The following INVS variants were observed in gnomAD, a reference collection of about 807,000 sequenced individuals.
INVS encodes the protein inversin, also known as inversion of embryo turning homolog.
In INVS, 86 loss-of-function variants were observed where a neutral mutation model predicts 108.8. That is an observed-to-expected ratio of 0.79 (90% CI 0.66 to 0.95). The LOEUF (loss-of-function observed/expected upper bound fraction) is 0.95. Ranked by LOEUF, INVS falls within the 40% of genes least tolerant of loss-of-function variation. The pLI, the probability that INVS is intolerant of heterozygous loss-of-function variation, is 0.00. For synonymous variants in INVS, 455 were observed against 473.5 expected (o/e 0.96, Z 0.51); for missense variants, 1,169 against 1,297.4 (o/e 0.90, Z 1.52).
At chr9:100,173,237 G>A (rs1268950792) in intron 3 of INVS, among the ~76,000 whole-genome samples, 4 of 152,224 alleles carry the variant, frequency 2.6e-5, no homozygotes, top group Non-Finnish European at 5.9e-5. Flanking sequence ...AGGAATTGAA[G>A]AGTGACCAAG....
chr9:100,243,284 A>T (rs1243651097), intron 7 of INVS, among the ~76,000 whole-genome samples: 2 of 152,154 alleles, frequency 1.3e-5, no homozygotes, highest in Non-Finnish European at 1.5e-5. Context: ...ACCTTACACA[A>T]GTTTCTTAAT....
intron 5 of INVS, among the ~76,000 whole-genome samples, chr9:100,230,144 A>T (rs929393340): frequency 1.3e-5 from 2 of 152,192 alleles, no homozygotes; most frequent in African/African-American, 4.8e-5. Context: ...TGTTTTTATT[A>T]AACAGTGAAT....
intron 8 of INVS, among the ~76,000 whole-genome samples, chr9:100,247,721 A>G (rs909518187): frequency 2.0e-5 from 3 of 152,182 alleles, no homozygotes; most frequent in Non-Finnish European, 4.4e-5. Context: ...TCAAAAAAAA[A>G]TATTTTAAGA....
At position 100,297,018 on chromosome 9, in the gene INVS, A is replaced by T. The variant is rs996350769; in HGVS notation, c.2888A>T (p.Gln963Leu). 4.3e-6 allele frequency: 7 copies of T among 1,613,932 alleles called. No homozygotes were observed. The highest frequency in any genetic ancestry group is 5.9e-6 in the Non-Finnish European group (7 of 1,180,002). The change falls in exon 15 of 17, where the codon CAG becomes CTG. Residue 963 changes from glutamine to leucine, a missense_variant. Transcript: ENST00000262457. Reference sequence around the variant, plus strand: ...CAAGAGTCTACAGCATTGCTCCTCCAGGTTTGGAGGAAGGAACTGGAACTA... The same window carrying T: ...CAAGAGTCTACAGCATTGCTCCTCCTGGTTTGGAGGAAGGAACTGGAACTA... ...WRQESTALLL[Q>L]VWRKELELKF...
intron 3 of INVS, among the ~76,000 whole-genome samples, chr9:100,223,188 T>G (rs1161821985): frequency 1.3e-5 from 2 of 151,942 alleles, no homozygotes; most frequent in Non-Finnish European, 2.9e-5. Flanking sequence ...CTCCGCTTCC[T>G]GGGTTCAAGG....
chr9:100,127,745 T>A (rs1255599529), intron 3 of INVS, among the ~76,000 whole-genome samples: 1 of 152,186 alleles, frequency 6.6e-6, no homozygotes, highest in Non-Finnish European at 1.5e-5. Context: ...GTCTGTCAGG[T>A]TATTTTCAAA....
intron 4 of INVS, among the ~76,000 whole-genome samples, chr9:100,227,991 C>CTT (rs33912012): frequency 0.47 from 62,190 of 133,194 alleles, 15,333 homozygotes; most frequent in African/African-American, 0.52. Context: ...TTCTTTCTTT[C>CTT]TTTTTTTTTT....
intron 3 of INVS, among the ~76,000 whole-genome samples, chr9:100,202,614 A>G (rs558704997): frequency 6.6e-6 from 1 of 151,762 alleles, no homozygotes; most frequent in Non-Finnish European, 1.5e-5. Context: ...TCACTTGTCT[A>G]TCGCTTTAAC....
intron 10 of INVS, among the ~76,000 whole-genome samples, chr9:100,259,701 C>G (rs565093347): frequency 6.6e-6 from 1 of 151,904 alleles, no homozygotes; most frequent in South Asian, 2.1e-4. Flanking sequence ...AGGCATCCAC[C>G]ACCATGCCTG....
chr9:100,145,099 G>A (rs1423185832), intron 3 of INVS, among the ~76,000 whole-genome samples: 1 of 152,070 alleles, frequency 6.6e-6, no homozygotes, highest in South Asian at 2.1e-4. Flanking sequence ...TAGGTTTTAG[G>A]TCAAGTGTGA....
chr9:100,293,213 T>C (rs1833682033), intron 14 of INVS, among the ~76,000 whole-genome samples, 170 bp downstream of exon 14: 1 of 152,224 alleles, frequency 6.6e-6, no homozygotes, highest in Non-Finnish European at 1.5e-5. Context: ...ATTTACATTG[T>C]ATAAACCATT....
chr9:100,235,617 A>G (rs936066079), intron 5 of INVS, among the ~76,000 whole-genome samples: 11 of 152,138 alleles, frequency 7.2e-5, no homozygotes, highest in Non-Finnish European at 1.3e-4. Flanking sequence ...TTTCTCCTTC[A>G]CTTATGAAGC....
chr9:100,243,011 C>G (rs555097227), intron 7 of INVS, among the ~76,000 whole-genome samples: 68 of 152,252 alleles, frequency 4.5e-4, no homozygotes, highest in African/African-American at 1.5e-3. Context: ...ATGGTTCATG[C>G]TGTTCACTCT....
chr9:100,268,882 T>C (rs1186059549), intron 11 of INVS, among the ~76,000 whole-genome samples: 1 of 152,148 alleles, frequency 6.6e-6, no homozygotes, highest in Non-Finnish European at 1.5e-5. Flanking sequence ...TTCTTTAGGG[T>C]ATATTAAGCT....
chr9:100,185,919 G>A (rs540058527), intron 3 of INVS, among the ~76,000 whole-genome samples: 20 of 152,140 alleles, frequency 1.3e-4, no homozygotes, highest in African/African-American at 4.6e-4. Flanking sequence ...TTGTATATAT[G>A]TTCCACATTT....
intron 3 of INVS, among the ~76,000 whole-genome samples, chr9:100,222,805 T>A (rs1831193006): frequency 1.3e-5 from 2 of 151,630 alleles, no homozygotes; most frequent in South Asian, 4.1e-4. Flanking sequence ...ACAGATTTGT[T>A]TTTCCTGGGC....
chr9:100,234,713 C>T (rs1041132311), intron 5 of INVS, among the ~76,000 whole-genome samples: 2 of 152,182 alleles, frequency 1.3e-5, no homozygotes, highest in Non-Finnish European at 2.9e-5. Flanking sequence ...AATTTGATTG[C>T]ACTGTGGTCT....
In INVS at chr9:100,229,677, G is replaced by A; in HGVS notation, c.465G>A (p.Trp155Ter). Residue 155 changes from tryptophan (W) to a stop codon, truncating the protein, a stop_gained, in exon 5 of 17, where the codon TGG (tryptophan) becomes TGA (stop). Transcript: ENST00000262457. LOFTEE classifies it high-confidence loss of function. ...QDKNKQTALH[W>*]SAYYNNPEHV... is the part of the protein sequence containing the mutation. ...TTTTGCAGCAAACAGCTCTGCATTG[G>A]AGTGCCTACTACAATAACCCTGAGC... The A allele has an allele frequency of 6.2e-7, 1 of 1,613,828 alleles. No homozygotes were observed. The highest frequency in any genetic ancestry group is 8.5e-7 in the Non-Finnish European group (1 of 1,179,790).
intron 2 of INVS, among the ~76,000 whole-genome samples, chr9:100,124,774 A>G (rs190489331): frequency 1.2e-4 from 19 of 152,296 alleles, no homozygotes; most frequent in African/African-American, 4.3e-4. Flanking sequence ...TCTTGTTTAA[A>G]TTAATATTTT....
Sources: allele counts gnomAD v4.1 joint callset (sites outside exome capture counted in the v4.1 genomes callset), GRCh38; gene constraint gnomAD v4.1.1; transcripts MANE v1.5; gene names NCBI Gene and HGNC (gene_info 2026-07-23, HGNC 2026-07-21).